Variants in AUTS2 observed in about 807,000 individuals in gnomAD.
AUTS2 encodes the protein activator of transcription and developmental regulator AUTS2.
Under a neutral mutation model 112.4 loss-of-function variants are expected in AUTS2, and 17 were observed. The observed-to-expected ratio is 0.15, with a 90% CI of 0.10 to 0.23. The LOEUF (loss-of-function observed/expected upper bound fraction) is 0.23. Ranked by LOEUF, AUTS2 falls within the 10% of genes least tolerant of loss-of-function variation. AUTS2 has a pLI of 1.00. For missense variants in AUTS2, 1,510 were observed against 1,701.6 expected (o/e 0.89, Z 1.98); for synonymous variants, 751 against 702.7 (o/e 1.07, Z -1.09).
At chr7:70,650,249 G>A (rs1563102236) in intron 5 of AUTS2, among the ~76,000 whole-genome samples, 2 of 152,168 alleles carry the variant, frequency 1.3e-5, no homozygotes, top group Non-Finnish European at 2.9e-5. Context: ...CCAGAACTGG[G>A]TTACATACCG....
At chr7:70,748,562 C>T (rs1788610194) in intron 6 of AUTS2, among the ~76,000 whole-genome samples, 1 of 152,144 alleles carries the variant, frequency 6.6e-6, no homozygotes, top group African/African-American at 2.4e-5. Context: ...GGATGTAGCA[C>T]TTATCAAAAT....
chr7:69,826,280 TG>T (rs1791240301), intron 1 of AUTS2, among the ~76,000 whole-genome samples: 1 of 152,218 alleles, frequency 6.6e-6, no homozygotes, highest in Admixed American at 6.5e-5. Context: ...GGCTGTGGAC[TG>T]GCAAAGTAAC....
intron 4 of AUTS2, among the ~76,000 whole-genome samples, chr7:70,381,950 G>A (rs1793385986): frequency 6.6e-6 from 1 of 152,114 alleles, no homozygotes; most frequent in Non-Finnish European, 1.5e-5. Flanking sequence ...TTATAGGTGG[G>A]TGATACACAG....
At chr7:70,514,190 T>TGGATTTTTA (rs1799320808) in intron 5 of AUTS2, among the ~76,000 whole-genome samples, 1 of 152,226 alleles carries the variant, frequency 6.6e-6, no homozygotes, top group African/African-American at 2.4e-5. Flanking sequence ...ATCCTCCTAT[T>TGGATTTTTA]GGATATTTAG....
At chr7:70,421,583 C>G (rs1034981752) in intron 4 of AUTS2, among the ~76,000 whole-genome samples, 6 of 152,124 alleles carry the variant, frequency 3.9e-5, no homozygotes, top group Admixed American at 2.0e-4. Flanking sequence ...AAGTGCTGGT[C>G]CATTTCTCCA....
intron 4 of AUTS2, among the ~76,000 whole-genome samples, chr7:70,308,069 A>G (rs537628754): frequency 9.1e-4 from 139 of 152,340 alleles, no homozygotes; most frequent in Non-Finnish European, 1.7e-3. Context: ...ATTTGTTGAC[A>G]GTGATTGAAA....
chr7:69,671,179 C>T (rs1451099142), intron 1 of AUTS2, among the ~76,000 whole-genome samples: 1 of 152,076 alleles, frequency 6.6e-6, no homozygotes, highest in Non-Finnish European at 1.5e-5. Context: ...GTGCTTCTAC[C>T]ACCTTCTTAA....
intron 1 of AUTS2, among the ~76,000 whole-genome samples, chr7:69,746,603 T>C (rs533183942): frequency 3.2e-4 from 48 of 152,196 alleles, no homozygotes; most frequent in African/African-American, 1.1e-3. Context: ...AAGGTACAAG[T>C]GTCCTAAGTG....
At chr7:69,746,597 T>C (rs1386542603) in intron 1 of AUTS2, among the ~76,000 whole-genome samples, 1 of 152,080 alleles carries the variant, frequency 6.6e-6, no homozygotes, top group Non-Finnish European at 1.5e-5. Context: ...CACTGCAAGG[T>C]ACAAGTGTCC....
At position 69,860,106 on chromosome 7, in the gene AUTS2, A is replaced by G. The variant is rs115176662; in HGVS notation, c.310-39180A>G. 6.3e-3 allele frequency among the ~76,000 whole-genome samples: 962 copies of G among 152,036 alleles called. 10 individuals are homozygous for G. Among genetic ancestry groups the G allele is most frequent in the African/African-American group, 0.022 (917 of 41,482 alleles). On this transcript the variant is annotated intron_variant, in intron 1 of 18. Transcript: ENST00000342771. The stretch of plus-strand genomic sequence containing the variant: ...CTCTGATGCTTGAATCAGGAGGACA[A>G]AGAGCTCTGATGCTGATTCAGCTGC...
intron 5 of AUTS2, among the ~76,000 whole-genome samples, chr7:70,681,726 C>A (rs1808221197): frequency 6.6e-6 from 1 of 152,086 alleles, no homozygotes. Flanking sequence ...AATCAACAGA[C>A]CTGCTGGTAT....
intron 1 of AUTS2, among the ~76,000 whole-genome samples, chr7:69,787,554 T>C (rs1296705019): frequency 2.6e-5 from 4 of 152,192 alleles, no homozygotes; most frequent in African/African-American, 9.6e-5. Flanking sequence ...ATAGTAGTTA[T>C]TTTATTTTAT....
chr7:70,169,146 T>C (rs1179728960), intron 4 of AUTS2, among the ~76,000 whole-genome samples: 1 of 152,188 alleles, frequency 6.6e-6, no homozygotes. Flanking sequence ...ATAAGAGTTG[T>C]TTTATTTAAG....
At chr7:69,623,239 G>A (rs1031654733) in intron 1 of AUTS2, among the ~76,000 whole-genome samples, 3 of 151,968 alleles carry the variant, frequency 2.0e-5, no homozygotes, top group Non-Finnish European at 2.9e-5. Context: ...GTTTGTGACA[G>A]GGGGACAAGG....
chr7:69,963,916 CT>C (rs1410344649), intron 2 of AUTS2, among the ~76,000 whole-genome samples: 1 of 152,030 alleles, frequency 6.6e-6, no homozygotes, highest in African/African-American at 2.4e-5. Flanking sequence ...TTTCCTTTTC[CT>C]TTTTTAAGAT....
chr7:69,942,663 A>G (rs1796670568), intron 2 of AUTS2, among the ~76,000 whole-genome samples: 1 of 152,184 alleles, frequency 6.6e-6, no homozygotes, highest in East Asian at 1.9e-4. Context: ...CTGTGATTCC[A>G]TCCATGGAGT....
intron 4 of AUTS2, among the ~76,000 whole-genome samples, chr7:70,215,617 A>G (rs1179896959): frequency 6.6e-6 from 1 of 152,202 alleles, no homozygotes; most frequent in African/African-American, 2.4e-5. Context: ...GGGAAAAGTG[A>G]GTAGTGAATT....
intron 1 of AUTS2, among the ~76,000 whole-genome samples, chr7:69,735,064 A>T (rs1457813306): frequency 6.6e-6 from 1 of 152,216 alleles, no homozygotes; most frequent in Admixed American, 6.5e-5. Flanking sequence ...AAGCTCCAGG[A>T]TTCTGTATAT....
chr7:69,943,649 T>C (rs1796706356), intron 2 of AUTS2, among the ~76,000 whole-genome samples: 2 of 152,196 alleles, frequency 1.3e-5, no homozygotes. Context: ...AAAACTAACT[T>C]CACTGAAAAC....
Sources: allele counts gnomAD v4.1 joint callset (sites outside exome capture counted in the v4.1 genomes callset), GRCh38; gene constraint gnomAD v4.1.1; transcripts MANE v1.5; gene names NCBI Gene and HGNC (gene_info 2026-07-23, HGNC 2026-07-21).